Variants in RIF1 observed in about 807,000 individuals in gnomAD.
RIF1 encodes the protein replication timing regulatory factor 1.
RIF1 carries 45 observed loss-of-function variants against 247.1 expected under a neutral mutation model. The ratio of observed to expected loss-of-function variants is 0.18; its 90% CI spans 0.14 to 0.23. The LOEUF (loss-of-function observed/expected upper bound fraction) is 0.23. Among genes scored for constraint, RIF1 ranks in the 10% least tolerant of loss-of-function variants. The pLI, the probability that RIF1 is intolerant of heterozygous loss-of-function variation, is 1.00. For missense variants in RIF1, 2,967 were observed against 2,862.5 expected (o/e 1.04, Z -0.83); for synonymous variants, 1,087 against 978.8 (o/e 1.11, Z -2.06).
chr2:151,450,558 T>C (rs918133204), intron 20 of RIF1, among the ~76,000 whole-genome samples: 1 of 152,120 alleles, frequency 6.6e-6, no homozygotes, highest in African/African-American at 2.4e-5. Flanking sequence ...GTGTCAAATG[T>C]GTCTTTAAAA....
intron 21 of RIF1, among the ~76,000 whole-genome samples, chr2:151,454,113 C>T (rs1694805088): frequency 6.6e-6 from 1 of 152,124 alleles, no homozygotes; most frequent in Non-Finnish European, 1.5e-5. Context: ...AGATCAACTT[C>T]CTTTTAGTAG....
rs894105894 is a variant in RIF1, at chr2:151,479,986, C to T, written c.*4915C>T. 6.6e-6 allele frequency: 1 copy of T among 152,092 alleles called. No homozygotes were observed. Among genetic ancestry groups the T allele is most frequent in the African/African-American group, 2.4e-5 (1 of 41,406 alleles). The allele number at this position is 152,092 out of a possible 1,614,324, so 9.4% of individuals were successfully genotyped here. Reference sequence around the variant, plus strand: ...GTGTAAGTCATTGAAGTTTGAAGATCTATAAATATTTAATATAGTAGTCTA... The same window carrying T: ...GTGTAAGTCATTGAAGTTTGAAGATTTATAAATATTTAATATAGTAGTCTA... On this transcript the variant is annotated 3_prime_UTR_variant, in exon 36 of 36. Transcript: ENST00000444746.
Position 151,449,544 on chromosome 2 carries a change from T to A in RIF1, c.2245-2062T>A, listed in dbSNP as rs769877646. On this transcript the variant is annotated intron_variant, in intron 20 of 35. Transcript: ENST00000444746. ...CATGCACACTACAGCCTCCACCTCCTGGGTTCAAGCAGTCATCCTGCTTCA... is the reference window on the plus strand; with the variant it reads ...CATGCACACTACAGCCTCCACCTCCAGGGTTCAAGCAGTCATCCTGCTTCA... Among the ~76,000 whole-genome samples the A allele has an allele frequency of 1.7e-4, 26 of 152,124 alleles. 1 individual carries two copies. The highest frequency in any genetic ancestry group is 6.3e-3 in the Middle Eastern group (2 of 316).
At chr2:151,513,783 G>A in the RIF1 span, 15 of 872,408 alleles carry the variant, frequency 1.7e-5, no homozygotes, top group African/African-American at 3.4e-5. Flanking sequence ...CACATAACAC[G>A]CCACCCCAGT....
the RIF1 span, among the ~76,000 whole-genome samples, chr2:151,516,126 A>T: frequency 4.6e-5 from 7 of 152,204 alleles, no homozygotes; most frequent in Non-Finnish European, 7.3e-5. Context: ...TTTCAAAGCC[A>T]AAGGGGTGTC....
rs373762230 is a variant in RIF1 at position 151,437,384 on chromosome 2, G to A, written c.1483+33G>A. The A allele has an allele frequency of 7.2e-6, 11 of 1,530,528 alleles. No individual in the cohort carries two copies. The African/African-American group carries it at 8.2e-5, about 11-fold the overall frequency. 94.8% of individuals were successfully genotyped at this position (1,530,528 alleles called of 1,614,324 possible). On this transcript the variant is annotated intron_variant, in intron 13 of 35. Coordinates refer to ENST00000444746, the MANE Select transcript of RIF1 (RefSeq NM_018151.5). The stretch of plus-strand genomic sequence containing the variant: ...AATTTGATTTATTATTTGCTCAAAT[G>A]TGTGTTTAAAAAGAAGAAAAAATAG...
downstream of RIF1, chr2:151,512,611 G>T: frequency 1.3e-6 from 1 of 789,566 alleles, no homozygotes; most frequent in Non-Finnish European, 2.1e-6. Flanking sequence ...ACTGCACCTG[G>T]TGAATCTCTT....
intron 20 of RIF1, among the ~76,000 whole-genome samples, chr2:151,451,195 T>TA (rs1694259226): frequency 6.6e-6 from 1 of 152,206 alleles, no homozygotes; most frequent in African/African-American, 2.4e-5. Flanking sequence ...AGCAGAACGT[T>TA]ATAATACGGT....
chr2:151,475,304 G>A lies in RIF1; in HGVS notation c.*233G>A. On this transcript the variant is annotated 3_prime_UTR_variant, in exon 36 of 36. Coordinates refer to ENST00000444746, the MANE Select transcript of RIF1 (RefSeq NM_018151.5). Reference sequence around the variant, plus strand: ...CTTGGCTGCTATGCGTGGTTTTTCAGGAAATTTAATTATCTTACTGAGATG... The same window carrying A: ...CTTGGCTGCTATGCGTGGTTTTTCAAGAAATTTAATTATCTTACTGAGATG... 2.2e-6 allele frequency: 1 copy of A among 454,686 alleles called. No individual in the cohort carries two copies. Among genetic ancestry groups the A allele is most frequent in the Non-Finnish European group, 3.9e-6 (1 of 256,466 alleles). 28.2% of individuals were successfully genotyped at this position (454,686 alleles called of 1,614,324 possible). A position where few individuals can be genotyped will look rare whatever the true frequency, so the allele number is the denominator to read the frequency against.
chr2:151,430,594 A>G (rs1689922122), intron 9 of RIF1, among the ~76,000 whole-genome samples: 1 of 152,202 alleles, frequency 6.6e-6, no homozygotes, highest in Non-Finnish European at 1.5e-5. Flanking sequence ...TGCTGGGATT[A>G]CAGGCAAGAG....
Position 151,469,827 on chromosome 2 carries a change from A to G in RIF1, c.7058A>G (p.Asn2353Ser), listed in dbSNP as rs771442276. 101 of 1,610,976 alleles carry G rather than the reference A, an allele frequency of 6.3e-5. No homozygotes were observed. Among genetic ancestry groups the G allele is most frequent in the Admixed American group, 1.2e-4 (7 of 59,658 alleles). ...TLPIRSPKVS[N>S]VKKALRIYHE... ...CCTATCCGTTCTCCAAAAGTGTCCAATGTAAAAAAGGCTCTCAGAATATAT... is the reference window on the plus strand; with the variant it reads ...CCTATCCGTTCTCCAAAAGTGTCCAGTGTAAAAAAGGCTCTCAGAATATAT... The change falls in exon 34 of 36, where the codon AAT becomes AGT. Residue 2353 changes from asparagine to serine, a missense_variant. By Grantham distance (46) the Asn-to-Ser change is conservative. Coordinates refer to ENST00000444746, the MANE Select transcript of RIF1 (RefSeq NM_018151.5).
chr2:151,425,435 T>C (rs1272561342), intron 8 of RIF1, among the ~76,000 whole-genome samples: 1 of 152,128 alleles, frequency 6.6e-6, no homozygotes, highest in Admixed American at 6.6e-5. Flanking sequence ...CTTGACATCA[T>C]ATTCATGAAG....
At chr2:151,445,261 T>G in intron 18 of RIF1, 77 bp from the exon 19 acceptor site, 4 of 879,658 alleles carry the variant, frequency 4.5e-6, no homozygotes, top group Non-Finnish European at 7.7e-6. Flanking sequence ...GCCCACTACT[T>G]ATAAATAAGT....
rs141402881 is a variant in RIF1 at position 151,465,545 on chromosome 2, C to A, written c.6025C>A (p.His2009Asn). 1.2e-6 allele frequency: 2 copies of A among 1,613,884 alleles called. No homozygotes were observed. The highest frequency in any genetic ancestry group is 8.5e-7 in the Non-Finnish European group (1 of 1,179,898). The change falls in exon 30 of 36, where the codon CAC (histidine) becomes AAC (asparagine). Residue 2009 changes from histidine (H) to asparagine (N), a missense_variant. Transcript: ENST00000444746. Reference sequence around the variant, plus strand: ...TGGAGGAAATGATGTATCTGATCTACACTCATCTGAAGAAACGAATACCAA... The same window carrying A: ...TGGAGGAAATGATGTATCTGATCTAAACTCATCTGAAGAAACGAATACCAA... ...LDGGNDVSDL[H>N]SSEETNTKMK...
At chr2:151,509,769 A>G (rs1318061984), downstream of RIF1, among the ~76,000 whole-genome samples, 1 of 152,174 alleles carries the variant, frequency 6.6e-6, no homozygotes, top group Non-Finnish European at 1.5e-5. Context: ...CTGGGATTAC[A>G]GGTGTGCACC....
chr2:151,487,146 T>G (rs898148549), downstream of RIF1, among the ~76,000 whole-genome samples: 3 of 152,192 alleles, frequency 2.0e-5, no homozygotes, highest in Non-Finnish European at 4.4e-5. Flanking sequence ...AAGAGGTCAG[T>G]CTTGTATTTT....
chr2:151,478,647 T>G lies in RIF1; in HGVS notation c.*3576T>G, dbSNP rs1559043920. The G allele has an allele frequency of 6.6e-6, 1 of 152,088 alleles. No homozygotes were observed. The highest frequency in any genetic ancestry group is 2.4e-5 in the African/African-American group (1 of 41,412). 9.4% of individuals were successfully genotyped at this position (152,088 alleles called of 1,614,324 possible). A position where few individuals can be genotyped will look rare whatever the true frequency, so the allele number is the denominator to read the frequency against. ...GGGGAAATGGTGGGGATCGTGAATA[T>G]ATAAGTGAAGTTTTATTTTTTTAAG... On this transcript the variant is annotated 3_prime_UTR_variant, in exon 36 of 36. Transcript: ENST00000444746.
At chr2:151,421,798 A>G (rs997121352) in intron 7 of RIF1, among the ~76,000 whole-genome samples, 4 of 151,842 alleles carry the variant, frequency 2.6e-5, no homozygotes, top group African/African-American at 9.7e-5. Flanking sequence ...TCTCATAAAT[A>G]GCTTTATTCT....
chr2:151,415,769 C>G (rs1038882889), intron 4 of RIF1, among the ~76,000 whole-genome samples: 4 of 150,864 alleles, frequency 2.7e-5, no homozygotes, highest in Non-Finnish European at 4.4e-5. Flanking sequence ...CCCAGCTACT[C>G]GGGAGGCTGA....
Sources: gnomAD v4.1 joint callset for allele counts (sites outside exome capture counted in the v4.1 genomes callset) on GRCh38, gnomAD v4.1.1 for gene constraint, MANE v1.5 for transcripts, NCBI Gene and HGNC (gene_info 2026-07-23, HGNC 2026-07-21) for gene names.